The following TPCN1 variants were observed in gnomAD, a reference collection of about 807,000 sequenced individuals.
The protein encoded by TPCN1 is two pore channel protein 1.
TPCN1 carries 52 observed loss-of-function variants against 108.8 expected under a neutral mutation model. The observed-to-expected ratio is 0.48, with a 90% CI of 0.38 to 0.60. The LOEUF (loss-of-function observed/expected upper bound fraction) is 0.60, where lower values mean the gene tolerates loss of function less well. Ranked by LOEUF, TPCN1 falls within the 20% of genes least tolerant of loss-of-function variation. TPCN1 has a pLI of 0.00. For missense variants in TPCN1, 806 were observed against 1,072.8 expected (o/e 0.75, Z 3.47); for synonymous variants, 446 against 433.7 (o/e 1.03, Z -0.35).
At chr12:113,270,959 G>A (rs1413812013) in intron 7 of TPCN1, among the ~76,000 whole-genome samples, 1 of 152,144 alleles carries the variant, frequency 6.6e-6, no homozygotes, top group Non-Finnish European at 1.5e-5. Flanking sequence ...TATAAATTCA[G>A]AAAGATTTTA....
intron 15 of TPCN1, among the ~76,000 whole-genome samples, chr12:113,283,943 G>A (rs1593194809): frequency 6.6e-6 from 1 of 152,192 alleles, no homozygotes; most frequent in East Asian, 1.9e-4. Flanking sequence ...CAAAGTGCTG[G>A]GATTACAGGT....
intron 4 of TPCN1, 74 bp from the exon 5 acceptor site, chr12:113,267,769 T>G: frequency 9.7e-7 from 1 of 1,027,178 alleles, no homozygotes; most frequent in South Asian, 1.3e-5. Context: ...TCCCAGGTCC[T>G]GGGAGGGTTG....
chr12:113,225,292 C>G (rs1199610330), intron 1 of TPCN1: 1 of 450,898 alleles, frequency 2.2e-6, no homozygotes, highest in Admixed American at 2.4e-5. Context: ...CTGCTAGGCT[C>G]AAGCAGTTCT....
intron 2 of TPCN1, among the ~76,000 whole-genome samples, chr12:113,259,300 C>A (rs530322971): frequency 1.3e-5 from 2 of 152,278 alleles, no homozygotes; most frequent in African/African-American, 4.8e-5. Flanking sequence ...TCTTTATCTT[C>A]CTTCGGGTGG....
chr12:113,259,088 T>C (rs771452471), intron 2 of TPCN1, among the ~76,000 whole-genome samples: 2 of 151,950 alleles, frequency 1.3e-5, no homozygotes, highest in Admixed American at 1.3e-4. Context: ...GTGATTCTCA[T>C]GCCTCAGCCT....
intron 2 of TPCN1, among the ~76,000 whole-genome samples, chr12:113,254,825 A>T (rs1954773743): frequency 6.6e-6 from 1 of 152,224 alleles, no homozygotes; most frequent in African/African-American, 2.4e-5. Flanking sequence ...TAGACACAGA[A>T]AGTGTTTGAC....
chr12:113,264,524 C>T (rs1955171444), intron 3 of TPCN1, among the ~76,000 whole-genome samples: 2 of 151,846 alleles, frequency 1.3e-5, no homozygotes, highest in South Asian at 4.2e-4. Flanking sequence ...ACTAAAAATA[C>T]AAAAATTAGC....
chr12:113,278,747 C>T, intron 13 of TPCN1, 25 bp from the exon 14 acceptor site: 1 of 1,611,162 alleles, frequency 6.2e-7, no homozygotes, highest in Non-Finnish European at 8.5e-7. Context: ...CTGACACCCT[C>T]CCTCTTGGTC....
intron 2 of TPCN1, among the ~76,000 whole-genome samples, chr12:113,250,791 C>T (rs1371668751): frequency 1.3e-5 from 2 of 151,822 alleles, no homozygotes; most frequent in African/African-American, 4.8e-5. Context: ...CCCGTCTCTT[C>T]CAAAAAATAC....
intron 24 of TPCN1, 72 bp from the exon 25 acceptor site, chr12:113,291,802 G>C (rs1956278166): frequency 4.5e-6 from 7 of 1,564,918 alleles, no homozygotes; most frequent in Non-Finnish European, 6.2e-6. Flanking sequence ...TGTTGGGCGT[G>C]GGCTGCGCAG....
Position 113,226,927 on chromosome 12 carries a change from C to T in TPCN1, c.75C>T (p.Pro25=), listed in dbSNP as rs1251794342. 6.2e-7 allele frequency: 1 copy of T among 1,614,068 alleles called. No individual in the cohort carries two copies. The highest frequency in any genetic ancestry group is 1.7e-5 in the Admixed American group (1 of 60,022). The change falls in exon 2 of 28, where the codon CCC becomes CCT. Residue 25 remains proline (P), a synonymous_variant. Coordinates refer to ENST00000335509, the MANE Select transcript of TPCN1 (RefSeq NM_017901.6). ...LDEGGSAPLA[P]SNGLGQEELP... ...AGGGTGGCAGTGCCCCACTGGCTCC[C>T]TCCAACGGCCTGGGCCAAGAAGAGC...
intron 2 of TPCN1, chr12:113,245,996 G>C (rs1430885990): frequency 2.2e-6 from 1 of 456,158 alleles, no homozygotes; most frequent in South Asian, 1.5e-5. Context: ...AAAGCAGCCA[G>C]CTGTTTCGAG....
intron 27 of TPCN1, 61 bp downstream of exon 27, chr12:113,293,410 G>A: frequency 1.3e-6 from 2 of 1,500,476 alleles, no homozygotes; most frequent in Non-Finnish European, 9.3e-7. Flanking sequence ...GGAGGGGCAG[G>A]GAGCTGCTCT....
rs1953670839 is a variant in TPCN1 at position 113,231,075 on chromosome 12, T to C, written c.112+4111T>C. 2.6e-5 allele frequency among the ~76,000 whole-genome samples: 4 copies of C among 152,238 alleles called. No homozygotes were observed. The highest frequency in any genetic ancestry group is 2.0e-4 in the Admixed American group (3 of 15,286). On this transcript the variant is annotated intron_variant, in intron 2 of 27. Coordinates refer to ENST00000335509, the MANE Select transcript of TPCN1 (RefSeq NM_017901.6). The surrounding 1 kb of genome is among the most constrained non-coding windows in gnomAD (Gnocchi z 4.3). ...GCCATCCGCGGAGTTGGCAACGACA[T>C]GAGCATGGGCTACTGGGAACGAAGC... is the stretch of plus-strand genomic sequence containing the variant.
At chr12:113,275,533 A>G (rs1955642868) in intron 10 of TPCN1, among the ~76,000 whole-genome samples, 1 of 148,858 alleles carries the variant, frequency 6.7e-6, no homozygotes, top group Middle Eastern at 3.8e-3. Flanking sequence ...TGTGAGCCAC[A>G]GTGCCTGGCC....
intron 2 of TPCN1, among the ~76,000 whole-genome samples, chr12:113,248,293 G>A (rs1954482668): frequency 6.6e-6 from 1 of 152,246 alleles, no homozygotes; most frequent in African/African-American, 2.4e-5. Flanking sequence ...TTTCACTTCA[G>A]TTCAGACATG....
At chr12:113,244,382 C>T (rs1954267116) in intron 2 of TPCN1, 3 of 985,346 alleles carry the variant, frequency 3.0e-6, no homozygotes, top group Non-Finnish European at 3.6e-6. Context: ...TTGCCCAGGG[C>T]TCTGCTTGGG....
At position 113,276,969 on chromosome 12, in the gene TPCN1, C is replaced by A; in HGVS notation, c.993C>A (p.Phe331Leu). ...TCAATGACATTGAGAAACGCAAGTTCAAGTCTTTGCTACTGCACAAGCGAA... is the reference window on the plus strand; with the variant it reads ...TCAATGACATTGAGAAACGCAAGTTAAAGTCTTTGCTACTGCACAAGCGAA... Reference protein sequence around the residue: ...DTFNDIEKRKFKSLLLHKRTA... With the variant: ...DTFNDIEKRKLKSLLLHKRTA... Residue 331 changes from phenylalanine to leucine, a missense_variant, in exon 11 of 28, where the codon TTC becomes TTA. Transcript: ENST00000335509. 1 of 1,614,060 alleles carries A rather than the reference C, an allele frequency of 6.2e-7. No homozygotes were observed. Among genetic ancestry groups the A allele is most frequent in the South Asian group, 1.1e-5 (1 of 91,070 alleles).
rs1956196621 is a variant in TPCN1 at position 113,289,496 on chromosome 12, T to TAGAGCCCATTGC, written c.1797-629_1797-618dup. On this transcript the variant is annotated intron_variant, in intron 21 of 27. Coordinates refer to ENST00000335509, the MANE Select transcript of TPCN1 (RefSeq NM_017901.6). The surrounding 1 kb of genome is among the most constrained non-coding windows in gnomAD (Gnocchi z 4.1). The stretch of plus-strand genomic sequence containing the variant: ...GCCTATAGCAGTGGGTCCCAGACTT[T>TAGAGCCCATTGC]AGAGCCCATTGCAGTCACCAGGGAG... 6.6e-6 allele frequency among the ~76,000 whole-genome samples: 1 copy of TAGAGCCCATTGC among 152,206 alleles called. No homozygotes were observed. Among genetic ancestry groups the TAGAGCCCATTGC allele is most frequent in the African/African-American group, 2.4e-5 (1 of 41,452 alleles).
Sources: allele counts gnomAD v4.1 joint callset (sites outside exome capture counted in the v4.1 genomes callset), GRCh38; gene constraint gnomAD v4.1.1; non-coding constraint Gnocchi (gnomAD v3.1); transcripts MANE v1.5; gene names NCBI Gene and HGNC (gene_info 2026-07-23, HGNC 2026-07-21).